ANK3: variants seen among roughly 807,000 people sequenced by gnomAD.
ANK3 encodes ankyrin 3, also known as ankyrin-3.
A neutral mutation model predicts 370.9 loss-of-function variants in ANK3; 57 were observed. The observed-to-expected ratio is 0.15, with a 90% CI of 0.12 to 0.19. The LOEUF (loss-of-function observed/expected upper bound fraction) is 0.19. Among genes scored for constraint, ANK3 ranks in the 10% least tolerant of loss-of-function variants. The pLI is 1.00. For missense variants in ANK3, 4,439 were observed against 5,302.1 expected (o/e 0.84, Z 5.06); for synonymous variants, 1,929 against 1,946.3 (o/e 0.99, Z 0.23).
chr10:60,652,378 G>A (rs2078800765), intron 1 of ANK3, among the ~76,000 whole-genome samples: 7 of 151,860 alleles, frequency 4.6e-5, no homozygotes, highest in Admixed American at 3.9e-4. Flanking sequence ...CTCCATCCAG[G>A]GCAACAGAAG....
At chr10:60,170,006 G>T (rs545865662) in intron 21 of ANK3, among the ~76,000 whole-genome samples, 1 of 152,138 alleles carries the variant, frequency 6.6e-6, no homozygotes. Flanking sequence ...CTTAGATTCA[G>T]CCATTTCTCC....
chr10:60,072,766 C>A lies in ANK3; in HGVS notation c.8115G>T (p.Gln2705His). The change falls in exon 37 of 44, where the codon CAG (glutamine) becomes CAT (histidine). Residue 2705 changes from glutamine (Q) to histidine (H), a missense_variant. By Grantham distance (24) the Gln-to-His change is conservative. This residue lies in a region of ANK3 where 1,601 missense variants were observed against 1,731.7 expected (regional missense o/e 0.92). Transcript: ENST00000280772. The stretch of plus-strand genomic sequence containing the variant: ...TAGATTGTTTGAGCTGGAATCCAGA[C>A]TGGGGCCCATCTGGTGCTTTGCTCT... ...ISQSKAPDGP[Q>H]SGFQLKQSKL... The A allele has an allele frequency of 1.2e-6, 2 of 1,614,132 alleles. No individual in the cohort carries two copies. Among genetic ancestry groups the A allele is most frequent in the Non-Finnish European group, 1.7e-6 (2 of 1,180,010 alleles).
intron 1 of ANK3, among the ~76,000 whole-genome samples, chr10:60,638,853 G>A (rs542616163): frequency 1.3e-5 from 2 of 152,024 alleles, no homozygotes; most frequent in Non-Finnish European, 2.9e-5. Flanking sequence ...CAGACAGAAA[G>A]ATGATTGAAA....
intron 7 of ANK3, among the ~76,000 whole-genome samples, chr10:60,261,446 G>A (rs2097802957): frequency 6.6e-6 from 1 of 152,216 alleles, no homozygotes; most frequent in East Asian, 1.9e-4. Context: ...GGATTCTGTA[G>A]TTTAGGCCTC....
chr10:60,482,767 G>A (rs10821772), intron 2 of ANK3, among the ~76,000 whole-genome samples: 57,619 of 152,078 alleles, frequency 0.38, 11,507 homozygotes, highest in Non-Finnish European at 0.45. Flanking sequence ...GATTACAGGT[G>A]TGAGCCACTG....
intron 16 of ANK3, among the ~76,000 whole-genome samples, chr10:60,195,327 A>C (rs1023455074): frequency 4.0e-5 from 6 of 150,246 alleles, no homozygotes; most frequent in African/African-American, 1.5e-4. Flanking sequence ...GAGCTTGCAG[A>C]GAGCCGAGAT....
rs1419425182 is a variant in ANK3 at position 60,028,495 on chromosome 10, T to G, written c.*1351A>C. The G allele has an allele frequency of 6.5e-6, 1 of 152,692 alleles. No homozygotes were observed. Among genetic ancestry groups the G allele is most frequent in the Non-Finnish European group, 1.5e-5 (1 of 68,050 alleles). 9.5% of individuals were successfully genotyped at this position (152,692 alleles called of 1,614,324 possible). Reference sequence around the variant, plus strand: ...TCATACATATGTCATTAGAGCTATGTGTCAATGAATGCTGATTTTATGTGA... The same window carrying G: ...TCATACATATGTCATTAGAGCTATGGGTCAATGAATGCTGATTTTATGTGA... On this transcript the variant is annotated 3_prime_UTR_variant, in exon 44 of 44. Transcript: ENST00000280772.
At chr10:60,611,468 T>G (rs577912254) in intron 2 of ANK3, among the ~76,000 whole-genome samples, 2 of 152,186 alleles carry the variant, frequency 1.3e-5, no homozygotes, top group Non-Finnish European at 2.9e-5. Flanking sequence ...TTCTTCTGAG[T>G]GTAGAATGAA....
intron 2 of ANK3, among the ~76,000 whole-genome samples, chr10:60,419,068 G>T (rs986940825): frequency 2.0e-5 from 3 of 152,054 alleles, no homozygotes; most frequent in African/African-American, 4.8e-5. Flanking sequence ...GTCTTAAATG[G>T]CTAATGTGTG....
chr10:60,424,106 G>A (rs1229065597), intron 2 of ANK3, among the ~76,000 whole-genome samples: 2 of 151,968 alleles, frequency 1.3e-5, no homozygotes, highest in Non-Finnish European at 2.9e-5. Context: ...TGATTTAAGG[G>A]CTTGGTTAAA....
At chr10:60,209,991 T>C (rs536716002) in intron 9 of ANK3, among the ~76,000 whole-genome samples, 1 of 152,306 alleles carries the variant, frequency 6.6e-6, no homozygotes, top group South Asian at 2.1e-4. Context: ...GTATTACATA[T>C]GGTGCCTGAA....
At chr10:60,227,689 T>A (rs1277073760) in intron 8 of ANK3, among the ~76,000 whole-genome samples, 1 of 152,174 alleles carries the variant, frequency 6.6e-6, no homozygotes, top group East Asian at 1.9e-4. Context: ...TTCCTTTGTA[T>A]TCAATCTGTT....
At chr10:60,473,966 C>CAA (rs139841930) in intron 2 of ANK3, among the ~76,000 whole-genome samples, 6,394 of 92,482 alleles carry the variant, frequency 0.069, 416 homozygotes, top group East Asian at 0.19. Flanking sequence ...CCTGTTTCTA[C>CAA]AAAAAAAAAA....
chr10:60,128,249 C>T (rs1400504560), intron 25 of ANK3, among the ~76,000 whole-genome samples: 1 of 152,084 alleles, frequency 6.6e-6, no homozygotes, highest in Non-Finnish European at 1.5e-5. Context: ...TTGCACTGAG[C>T]AATGCAGATG....
chr10:60,350,038 C>T (rs1468968689), intron 1 of ANK3, among the ~76,000 whole-genome samples: 2 of 152,182 alleles, frequency 1.3e-5, no homozygotes, highest in African/African-American at 4.8e-5. Flanking sequence ...GTGATAATCA[C>T]AGTGATGGCC....
chr10:60,169,379 T>TG, intron 21 of ANK3, among the ~76,000 whole-genome samples: 1 of 150,706 alleles, frequency 6.6e-6, no homozygotes, highest in Non-Finnish European at 1.5e-5. Context: ...TTTTTTTTTT[T>TG]TTTTTTTTTA....
chr10:60,347,799 G>T (rs2055952496), intron 1 of ANK3, among the ~76,000 whole-genome samples: 1 of 152,134 alleles, frequency 6.6e-6, no homozygotes, highest in African/African-American at 2.4e-5. Context: ...TGATGGCTGG[G>T]ACTCACCCCC....
In ANK3 at chr10:60,072,489, C is replaced by T. The variant is rs750733016; in HGVS notation, c.8392G>A (p.Glu2798Lys). 34 of 1,613,892 alleles carry T rather than the reference C, an allele frequency of 2.1e-5. No individual in the cohort carries two copies. The highest frequency in any genetic ancestry group is 6.7e-5 in the Admixed American group (4 of 59,980). Residue 2798 changes from glutamate (E) to lysine (K), a missense_variant, in exon 37 of 44, where the codon GAA becomes AAA. Transcript: ENST00000280772. ...GAGCCAGAATCATTTACAACAATTT[C>T]GTTGCTTTGGGCATGCTCATCTTTG... ...KTKDEHAQSN[E>K]IVVNDSGSDN...
At position 60,422,380 on chromosome 10, in the gene ANK3, C is replaced by T. The variant is rs141438700; in HGVS notation, c.97-142741G>A. 2.8e-4 allele frequency among the ~76,000 whole-genome samples: 42 copies of T among 152,190 alleles called. No homozygotes were observed. The East Asian group carries it at 7.5e-3, about 27-fold the overall frequency. On this transcript the variant is annotated intron_variant, in intron 2 of 43. Coordinates refer to the ANK3 transcript ENST00000373827. ...ATGTTATTAGCAATGTAAATTTTAA[C>T]TGACAAAGACTACTCTAGACTTTTG...
Sources: allele counts gnomAD v4.1 joint callset (sites outside exome capture counted in the v4.1 genomes callset), GRCh38; gene constraint gnomAD v4.1.1; regional missense constraint gnomAD v4.1.1; transcripts MANE v1.5; gene names NCBI Gene and HGNC (gene_info 2026-07-23, HGNC 2026-07-21).